The following PPAT variants were observed in gnomAD, a reference collection of about 807,000 sequenced individuals.
PPAT encodes the protein amidophosphoribosyltransferase.
In PPAT, 20 loss-of-function variants were observed where a neutral mutation model predicts 60.2. That is an observed-to-expected ratio of 0.33 (90% CI 0.23 to 0.48). PPAT has a LOEUF of 0.48. PPAT is among the 20% of genes least tolerant of loss of function. PPAT has a pLI of 0.99. For synonymous variants in PPAT, 194 were observed against 215.1 expected, an observed-to-expected ratio of 0.90 and a Z score of 0.86; for missense variants, 349 against 629.6, an observed-to-expected ratio of 0.55 and a Z score of 4.77.
Position 56,396,978 on chromosome 4 carries a change from C to T in PPAT, c.1237-239G>A. ...TTTACATTCCTAGAGCCACTTTTCT[C>T]TTGTAATACCAGGTACTTCTGCTTA... On this transcript the variant is annotated intron_variant, in intron 9 of 10. Coordinates refer to ENST00000264220, the MANE Select transcript of PPAT (RefSeq NM_002703.5). The surrounding 1 kb of genome is among the most constrained non-coding windows in gnomAD (Gnocchi z 4.6). 1 of 285,130 alleles carries T rather than the reference C, an allele frequency of 3.5e-6. No homozygotes were observed. The highest frequency in any genetic ancestry group is 6.4e-6 in the Non-Finnish European group (1 of 155,468). 17.7% of individuals were successfully genotyped at this position (285,130 alleles called of 1,614,324 possible).
intron 2 of PPAT, among the ~76,000 whole-genome samples, chr4:56,407,116 A>G (rs1716259301): frequency 6.6e-6 from 1 of 152,208 alleles, no homozygotes; most frequent in African/African-American, 2.4e-5. Context: ...ATTTAAATAA[A>G]TGACCCCCTA....
chr4:56,425,116 C>G (rs1717222476), intron 1 of PPAT, among the ~76,000 whole-genome samples: 2 of 152,086 alleles, frequency 1.3e-5, no homozygotes, highest in African/African-American at 4.8e-5. Context: ...ATGAGATGGC[C>G]AGCAGGGGGC....
intron 1 of PPAT, chr4:56,431,355 G>C (rs1717574695): frequency 3.2e-6 from 2 of 623,210 alleles, no homozygotes; most frequent in South Asian, 7.1e-5. Flanking sequence ...ATATAAGTCT[G>C]ACTGAGTGCA....
chr4:56,404,980 A>G (rs996242685), intron 3 of PPAT, among the ~76,000 whole-genome samples: 2 of 152,284 alleles, frequency 1.3e-5, no homozygotes, highest in East Asian at 3.9e-4. Flanking sequence ...CAGGTTCTGA[A>G]GTTACCAAGT....
At chr4:56,414,139 A>T (rs748492093) in intron 1 of PPAT, 1 of 152,210 alleles carries the variant, frequency 6.6e-6, no homozygotes, top group African/African-American at 2.4e-5. Context: ...TAAGGTAATC[A>T]AAGTTTTCTC....
chr4:56,428,607 A>G (rs1424737323), intron 1 of PPAT, among the ~76,000 whole-genome samples: 1 of 152,200 alleles, frequency 6.6e-6, no homozygotes, highest in Non-Finnish European at 1.5e-5. Context: ...AAATGGAGAC[A>G]TGGTAACTTT....
At chr4:56,425,546 T>C (rs1004793415) in intron 1 of PPAT, 2 of 180,708 alleles carry the variant, frequency 1.1e-5, no homozygotes, top group African/African-American at 4.8e-5. Context: ...TTAATAAACT[T>C]TTAAGAAGCT....
intron 1 of PPAT, among the ~76,000 whole-genome samples, chr4:56,427,907 A>C (rs1323143630): frequency 6.6e-6 from 1 of 152,166 alleles, no homozygotes; most frequent in East Asian, 1.9e-4. Context: ...CTTATACCTG[A>C]GTTGGTAGAG....
chr4:56,399,058 T>G (rs1248646666), intron 9 of PPAT, 121 bp downstream of exon 9: 1 of 811,058 alleles, frequency 1.2e-6, no homozygotes, highest in African/African-American at 1.7e-5. Context: ...TAAACCAAAC[T>G]GATAAAAAAA....
intron 1 of PPAT, among the ~76,000 whole-genome samples, chr4:56,417,679 G>A (rs56392224): frequency 0.19 from 28,176 of 151,904 alleles, 2,918 homozygotes; most frequent in Admixed American, 0.32. Flanking sequence ...CCAGCTACTT[G>A]TGAGGCTGAG....
intron 1 of PPAT, chr4:56,419,624 G>A (rs780288762): frequency 8.0e-5 from 77 of 967,226 alleles, no homozygotes; most frequent in Non-Finnish European, 8.6e-5. Context: ...GTATCTCTAC[G>A]TCAGTATTGG....
intron 3 of PPAT, chr4:56,403,882 G>C (rs1031422467): frequency 3.0e-5 from 9 of 301,728 alleles, no homozygotes; most frequent in Non-Finnish European, 6.1e-5. Flanking sequence ...GCTCCTAGGA[G>C]AATCTAATGC....
chr4:56,412,185 C>G (rs1050994829), intron 1 of PPAT, among the ~76,000 whole-genome samples: 1 of 152,154 alleles, frequency 6.6e-6, no homozygotes, highest in East Asian at 1.9e-4. Flanking sequence ...TTCAGGTACT[C>G]CCTTGGCTCC....
chr4:56,427,285 T>G (rs1352473416), intron 1 of PPAT, among the ~76,000 whole-genome samples: 6 of 152,330 alleles, frequency 3.9e-5, no homozygotes, highest in Admixed American at 1.3e-4. Flanking sequence ...GTGTTTAATT[T>G]TTTTAGGACC....
At chr4:56,412,789 A>C (rs890401986) in intron 1 of PPAT, among the ~76,000 whole-genome samples, 1 of 152,232 alleles carries the variant, frequency 6.6e-6, no homozygotes, top group Admixed American at 6.5e-5. Flanking sequence ...CTCATATGGA[A>C]TATTAATGTA....
In PPAT at chr4:56,405,358, T is replaced by C. The variant is rs28623333; in HGVS notation, c.402+1137A>G. 6.9e-3 allele frequency among the ~76,000 whole-genome samples: 1,052 copies of C among 152,346 alleles called. 13 individuals are homozygous for C. The highest frequency in any genetic ancestry group is 0.024 in the African/African-American group (991 of 41,580). ...ATGTTATTTTTATCCTGGTCTTTCCTGGTACACAGCTCCTAAAACCCTTAG... is the reference window on the plus strand; with the variant it reads ...ATGTTATTTTTATCCTGGTCTTTCCCGGTACACAGCTCCTAAAACCCTTAG... On this transcript the variant is annotated intron_variant, in intron 3 of 10. Transcript: ENST00000264220.
chr4:56,405,446 T>G (rs1389515657), intron 3 of PPAT, among the ~76,000 whole-genome samples: 1 of 152,254 alleles, frequency 6.6e-6, no homozygotes, highest in African/African-American at 2.4e-5. Flanking sequence ...TAGGGGCTCC[T>G]GCACAGCATC....
In PPAT at chr4:56,395,379, T is replaced by C. The variant is rs1164675217; in HGVS notation, c.1527A>G (p.Gly509=). The C allele has an allele frequency of 1.2e-6, 2 of 1,608,286 alleles. No individual in the cohort carries two copies. The highest frequency in any genetic ancestry group is 2.7e-5 in the African/African-American group (2 of 74,612). Residue 509 remains glycine, a synonymous_variant, in exon 11 of 11, where the codon GGA becomes GGG. Coordinates refer to ENST00000264220, the MANE Select transcript of PPAT (RefSeq NM_002703.5). The part of the protein sequence containing the change: ...KSGHCTACLT[G]KYPVELEW ...ACCATTCTAATTCTACAGGATATTTTCCAGTGAGACAAGCTGTACAATGAC... is the reference window on the plus strand; with the variant it reads ...ACCATTCTAATTCTACAGGATATTTCCCAGTGAGACAAGCTGTACAATGAC...
intron 9 of PPAT, 64 bp downstream of exon 9, chr4:56,399,115 T>G: frequency 7.2e-7 from 1 of 1,396,856 alleles, no homozygotes; most frequent in African/African-American, 1.4e-5. Context: ...TACCCTGAAT[T>G]GCAATTTTAT....
Sources: gnomAD v4.1 joint callset for allele counts (sites outside exome capture counted in the v4.1 genomes callset) on GRCh38, gnomAD v4.1.1 for gene constraint, Gnocchi (gnomAD v3.1) non-coding constraint, MANE v1.5 for transcripts, NCBI Gene and HGNC (gene_info 2026-07-23, HGNC 2026-07-21) for gene names.